Variants in ATP2B2 observed in about 807,000 individuals in gnomAD.
ATP2B2 encodes ATPase plasma membrane Ca2+ transporting 2, also known as plasma membrane calcium-transporting ATPase 2.
ATP2B2 carries 15 observed loss-of-function variants against 120.0 expected under a neutral mutation model. That is an observed-to-expected ratio of 0.12 (90% confidence interval 0.08 to 0.19). The LOEUF is 0.19. Ranked by LOEUF, ATP2B2 falls within the 10% of genes least tolerant of loss-of-function variation. The pLI, the probability that ATP2B2 is intolerant of heterozygous loss-of-function variation, is 1.00. For synonymous variants in ATP2B2, 694 were observed against 700.3 expected (o/e 0.99, Z 0.14); for missense variants, 1,045 against 1,719.8 (o/e 0.61, Z 6.94).
At chr3:10,662,311 A>C (rs534945928) in intron 1 of ATP2B2, among the ~76,000 whole-genome samples, 26 of 152,168 alleles carry the variant, frequency 1.7e-4, no homozygotes, top group African/African-American at 4.1e-4. Context: ...GGGAACCTAC[A>C]GAATGGGAAA....
At chr3:10,534,995 C>T (rs1372287804) in intron 2 of ATP2B2, among the ~76,000 whole-genome samples, 1 of 150,616 alleles carries the variant, frequency 6.6e-6, no homozygotes, top group African/African-American at 2.5e-5. Context: ...TCTCTGCCTC[C>T]CGGGTTCAAG....
rs140987246 is a variant in ATP2B2 at position 10,439,746 on chromosome 3, T to A, written c.199+9599A>T. The stretch of plus-strand genomic sequence containing the variant: ...AAAAGGAGTATCAGGCCGGGCACAG[T>A]GGCTCATGCCTGTAATCCCAGCACT... On this transcript the variant is annotated intron_variant, in intron 2 of 22. Coordinates refer to ENST00000360273, the MANE Select transcript of ATP2B2 (RefSeq NM_001001331.4). Among the ~76,000 whole-genome samples, 95 of 152,182 alleles carry A rather than the reference T, an allele frequency of 6.2e-4. 1 individual carries two copies. The East Asian group carries it at 0.017, about 27-fold the overall frequency.
At position 10,659,496 on chromosome 3, in the gene ATP2B2, G is replaced by A. The variant is rs1176266245; in HGVS notation, c.-459-39535C>T. ...ACAAACTAAGATCAAAAGAGACAAA[G>A]AAGGCCATTACATAATGGTAAAGGG... is the stretch of plus-strand genomic sequence containing the variant. On this transcript the variant is annotated intron_variant, in intron 1 of 21. Transcript: ENST00000646379. Among the ~76,000 whole-genome samples the A allele has an allele frequency of 2.6e-5, 4 of 152,278 alleles. No individual in the cohort carries two copies. The East Asian group carries it at 7.7e-4, about 29-fold the overall frequency.
intron 1 of ATP2B2, among the ~76,000 whole-genome samples, chr3:10,629,114 T>C (rs1252031482): frequency 6.6e-6 from 1 of 152,020 alleles, no homozygotes. Context: ...AGCACCACGC[T>C]TCGGGGCCAT....
intron 22 of ATP2B2, among the ~76,000 whole-genome samples, chr3:10,332,551 G>T (rs563097502): frequency 1.3e-5 from 2 of 152,190 alleles, no homozygotes; most frequent in East Asian, 3.8e-4. Flanking sequence ...TCTTGGCCAC[G>T]CTGGTAGAAG....
At chr3:10,693,647 A>T (rs1301807894) in intron 1 of ATP2B2, among the ~76,000 whole-genome samples, 1 of 152,214 alleles carries the variant, frequency 6.6e-6, no homozygotes, top group East Asian at 1.9e-4. Context: ...AGCAATAGAG[A>T]TATGAGCCTA....
chr3:10,386,368 C>T (rs1356073297), intron 7 of ATP2B2, 112 bp downstream of exon 7: 3 of 1,256,222 alleles, frequency 2.4e-6, no homozygotes, highest in Non-Finnish European at 3.5e-6. Context: ...GAGCCACCCA[C>T]AGGCATGTGG....
At chr3:10,523,790 T>C (rs1193170217) in intron 3 of ATP2B2, among the ~76,000 whole-genome samples, 3 of 150,280 alleles carry the variant, frequency 2.0e-5, no homozygotes, top group African/African-American at 7.4e-5. Flanking sequence ...GTCAAATATA[T>C]CAGAGCCCAG....
intron 2 of ATP2B2, among the ~76,000 whole-genome samples, chr3:10,551,006 T>C (rs767887534): frequency 6.6e-6 from 1 of 152,170 alleles, no homozygotes; most frequent in Non-Finnish European, 1.5e-5. Flanking sequence ...AGTTTGAGGC[T>C]CAGACAGCAC....
intron 1 of ATP2B2, among the ~76,000 whole-genome samples, chr3:10,674,192 T>C (rs941246692): frequency 6.6e-6 from 1 of 152,178 alleles, no homozygotes; most frequent in African/African-American, 2.4e-5. Context: ...CCTAGCATCC[T>C]TTCCCCTCTC....
intron 2 of ATP2B2, among the ~76,000 whole-genome samples, chr3:10,561,712 A>C (rs2067907112): frequency 1.3e-5 from 2 of 152,090 alleles, no homozygotes; most frequent in South Asian, 2.1e-4. Context: ...TGGTTTTATA[A>C]AGTGTTTCCC....
chr3:10,601,011 GAGCCTACAAAACC>G (rs1202110218), intron 2 of ATP2B2, among the ~76,000 whole-genome samples: 1 of 152,100 alleles, frequency 6.6e-6, no homozygotes, highest in Non-Finnish European at 1.5e-5. Flanking sequence ...GACATTCTCG[GAGCCTACAAAACC>G]AGGAAGCACA....
intron 1 of ATP2B2, among the ~76,000 whole-genome samples, chr3:10,670,083 G>A (rs1353534049): frequency 6.6e-6 from 1 of 152,172 alleles, no homozygotes; most frequent in African/African-American, 2.4e-5. Flanking sequence ...GTTTGACAGG[G>A]TTAATATGAG....
At chr3:10,394,919 C>T (rs911622275) in intron 5 of ATP2B2, among the ~76,000 whole-genome samples, 2 of 152,132 alleles carry the variant, frequency 1.3e-5, no homozygotes, top group African/African-American at 4.8e-5. Flanking sequence ...TAGTCTAGTC[C>T]TGCATTTCCC....
chr3:10,660,099 T>C (rs1048357382), intron 1 of ATP2B2, among the ~76,000 whole-genome samples: 2 of 152,126 alleles, frequency 1.3e-5, no homozygotes, highest in African/African-American at 2.4e-5. Context: ...TTTAAAGCAG[T>C]GTGTAGAGGG....
At chr3:10,457,114 G>A (rs1330100666) in intron 1 of ATP2B2, among the ~76,000 whole-genome samples, 1 of 152,164 alleles carries the variant, frequency 6.6e-6, no homozygotes, top group East Asian at 1.9e-4. Context: ...GTGTCTGTAG[G>A]GTGAGTGTGT....
intron 1 of ATP2B2, among the ~76,000 whole-genome samples, chr3:10,453,889 C>G (rs1346073497): frequency 6.6e-6 from 1 of 151,460 alleles, no homozygotes; most frequent in Non-Finnish European, 1.5e-5. Flanking sequence ...TCCACCTGCC[C>G]ACTCACCCAC....
chr3:10,421,124 C>A (rs1308865251), intron 2 of ATP2B2, among the ~76,000 whole-genome samples: 1 of 152,156 alleles, frequency 6.6e-6, no homozygotes, highest in African/African-American at 2.4e-5. Flanking sequence ...AATGGGGATA[C>A]AGGCTCAGGT....
intron 2 of ATP2B2, among the ~76,000 whole-genome samples, chr3:10,619,331 C>A (rs1348233071): frequency 6.6e-6 from 1 of 152,204 alleles, no homozygotes; most frequent in South Asian, 2.1e-4. Flanking sequence ...GGCCACTGAG[C>A]TCCAAGGACC....
Sources: gnomAD v4.1 joint callset for allele counts (sites outside exome capture counted in the v4.1 genomes callset) on GRCh38, gnomAD v4.1.1 for gene constraint, MANE v1.5 for transcripts, NCBI Gene and HGNC (gene_info 2026-07-23, HGNC 2026-07-21) for gene names.